The following KLHL29 variants were observed in gnomAD, a reference collection of about 807,000 sequenced individuals.
The protein encoded by KLHL29 is kelch like family member 29, also known as kelch-like protein 29.
A neutral mutation model predicts 80.4 loss-of-function variants in KLHL29; 21 were observed. The observed-to-expected ratio is 0.26, with a 90% CI of 0.19 to 0.38. The LOEUF (loss-of-function observed/expected upper bound fraction) is 0.38. Among genes scored for constraint, KLHL29 ranks in the 10% least tolerant of loss-of-function variants. The pLI, the probability that KLHL29 is intolerant of heterozygous loss-of-function variation, is 1.00. For synonymous variants in KLHL29, 511 were observed against 526.8 expected (o/e 0.97, Z 0.41); for missense variants, 867 against 1,223.9 (o/e 0.71, Z 4.35).
intron 1 of KLHL29, among the ~76,000 whole-genome samples, chr2:23,444,139 G>T (rs1320496189): frequency 6.6e-6 from 1 of 152,042 alleles, no homozygotes; most frequent in African/African-American, 2.4e-5. Context: ...AAAGAATCCT[G>T]GTTCTTTTTA....
At chr2:23,515,512 G>A (rs1215915424) in intron 2 of KLHL29, among the ~76,000 whole-genome samples, 2 of 152,178 alleles carry the variant, frequency 1.3e-5, no homozygotes, top group African/African-American at 2.4e-5. Context: ...GGGGGCCCCC[G>A]TCTCTACTTC....
intron 1 of KLHL29, among the ~76,000 whole-genome samples, chr2:23,428,610 C>CCA (rs1374865309): frequency 6.6e-6 from 1 of 152,064 alleles, no homozygotes; most frequent in Non-Finnish European, 1.5e-5. Flanking sequence ...CTACCCCCCG[C>CCA]CACACACACA....
chr2:23,388,074 G>A (rs775632878), intron 1 of KLHL29, among the ~76,000 whole-genome samples: 2 of 152,124 alleles, frequency 1.3e-5, no homozygotes, highest in African/African-American at 2.4e-5. Context: ...TGGTAGCCAT[G>A]GTAACAAATA....
At chr2:23,415,427 G>A (rs1004491917) in intron 1 of KLHL29, among the ~76,000 whole-genome samples, 1 of 152,212 alleles carries the variant, frequency 6.6e-6, no homozygotes, top group African/African-American at 2.4e-5. Context: ...TGAAGCGAAG[G>A]TGATTAGGTT....
At chr2:23,538,298 G>A (rs72793535) in intron 2 of KLHL29, among the ~76,000 whole-genome samples, 41 of 152,312 alleles carry the variant, frequency 2.7e-4, no homozygotes, top group Non-Finnish European at 3.5e-4. Context: ...ACCACACTTT[G>A]AGAAACAAAG....
intron 1 of KLHL29, among the ~76,000 whole-genome samples, chr2:23,409,338 GA>G (rs1666807262): frequency 6.6e-6 from 1 of 152,146 alleles, no homozygotes; most frequent in South Asian, 2.1e-4. Flanking sequence ...TCAGTTATGG[GA>G]AAGGCAAGGA....
intron 2 of KLHL29, among the ~76,000 whole-genome samples, chr2:23,533,832 G>A (rs115970873): frequency 6.6e-5 from 10 of 152,264 alleles, no homozygotes; most frequent in South Asian, 2.1e-4. Flanking sequence ...TTGTGAACCC[G>A]GTTTGGGCTA....
At chr2:23,588,910 A>T (rs1668183295) in intron 3 of KLHL29, among the ~76,000 whole-genome samples, 1 of 152,140 alleles carries the variant, frequency 6.6e-6, no homozygotes, top group Non-Finnish European at 1.5e-5. Flanking sequence ...ACACTCTCAG[A>T]CACCAGCCGT....
Position 23,695,858 on chromosome 2 carries a change from G to A in KLHL29, c.1741+37G>A. ...CACGCCCCGAACCTCCCAAGAAGCA[G>A]TGTCTTGGGCTCAGTGGTTCCAGTG... is the stretch of plus-strand genomic sequence containing the variant. On this transcript the variant is annotated intron_variant, in intron 9 of 13. Coordinates refer to ENST00000486442, the MANE Select transcript of KLHL29 (RefSeq NM_052920.2). This position sits in a 1 kb window ranked among gnomAD's most constrained non-coding sequence, Gnocchi z 7.6. 6.5e-7 allele frequency: 1 copy of A among 1,539,072 alleles called. No homozygotes were observed. Among genetic ancestry groups the A allele is most frequent in the Non-Finnish European group, 8.8e-7 (1 of 1,141,718 alleles).
chr2:23,575,561 A>G (rs1474246375), intron 3 of KLHL29, among the ~76,000 whole-genome samples: 3 of 152,172 alleles, frequency 2.0e-5, no homozygotes, highest in South Asian at 4.1e-4. Flanking sequence ...CCCCAGTCTC[A>G]CAATTGCATG....
At chr2:23,552,761 C>CTTTTTTTCTTT (rs1553338052) in intron 2 of KLHL29, among the ~76,000 whole-genome samples, 2 of 95,576 alleles carry the variant, frequency 2.1e-5, no homozygotes, top group Non-Finnish European at 3.8e-5. Context: ...GGTTTCTTTT[C>CTTTTTTTCTTT]TTTTTTTTTT....
chr2:23,650,720 T>G (rs935514501), intron 5 of KLHL29, among the ~76,000 whole-genome samples: 9 of 152,220 alleles, frequency 5.9e-5, no homozygotes, highest in Non-Finnish European at 1.2e-4. Context: ...GCACGCCGCT[T>G]TCTCCTGTCA....
chr2:23,634,297 C>G (rs1669551153), intron 3 of KLHL29, among the ~76,000 whole-genome samples: 1 of 152,186 alleles, frequency 6.6e-6, no homozygotes. Context: ...ATCATCGTCC[C>G]TCCAGGAAAG....
intron 5 of KLHL29, among the ~76,000 whole-genome samples, chr2:23,683,642 T>C (rs1024902069): frequency 6.6e-6 from 1 of 152,018 alleles, no homozygotes; most frequent in Non-Finnish European, 1.5e-5. Context: ...TGCAGCAGAG[T>C]GGGAGCCTCC....
intron 3 of KLHL29, among the ~76,000 whole-genome samples, chr2:23,574,409 C>G (rs1366197823): frequency 6.6e-6 from 1 of 152,198 alleles, no homozygotes; most frequent in African/African-American, 2.4e-5. Context: ...TATCTACAAG[C>G]TGTGCACAAG....
Position 23,596,451 on chromosome 2 carries a change from G to A in KLHL29, c.285+33970G>A, listed in dbSNP as rs1416944793. 6.6e-6 allele frequency among the ~76,000 whole-genome samples: 1 copy of A among 152,160 alleles called. No individual in the cohort carries two copies. Among genetic ancestry groups the A allele is most frequent in the East Asian group, 1.9e-4 (1 of 5,190 alleles). On this transcript the variant is annotated intron_variant, in intron 3 of 13. Coordinates refer to ENST00000486442, the MANE Select transcript of KLHL29 (RefSeq NM_052920.2). The surrounding 1 kb of genome is among the most constrained non-coding windows in gnomAD (Gnocchi z 4.4). ...GAACCCGTTTCATAAGCGCACTCAC[G>A]TTGGAGCAGAACAGAGTCACTAGGA...
intron 2 of KLHL29, among the ~76,000 whole-genome samples, chr2:23,556,119 C>A (rs899879720): frequency 4.6e-5 from 7 of 152,200 alleles, no homozygotes; most frequent in Non-Finnish European, 1.0e-4. Context: ...TCCACTTCCC[C>A]TCTCTGCTCC....
chr2:23,532,462 A>AGCACCCAGGGCG, intron 2 of KLHL29: 1 of 420,920 alleles, frequency 2.4e-6, no homozygotes, highest in South Asian at 1.8e-5. Flanking sequence ...CACCCAGGGC[A>AGCACCCAGGGCG]GCACCCAGGG....
intron 5 of KLHL29, among the ~76,000 whole-genome samples, chr2:23,644,813 C>T (rs1352142705): frequency 1.9e-4 from 29 of 152,252 alleles, no homozygotes; most frequent in Admixed American, 1.9e-3. Flanking sequence ...TACCAGGCCC[C>T]ACTGGGCAGA....
Sources: gnomAD v4.1 joint callset for allele counts (sites outside exome capture counted in the v4.1 genomes callset) on GRCh38, gnomAD v4.1.1 for gene constraint, Gnocchi (gnomAD v3.1) non-coding constraint, MANE v1.5 for transcripts, NCBI Gene and HGNC (gene_info 2026-07-23, HGNC 2026-07-21) for gene names.